TRNT1: variants seen among roughly 807,000 people sequenced by gnomAD.
The protein encoded by TRNT1 is CCA tRNA nucleotidyltransferase 1, mitochondrial.
Under a neutral mutation model 45.6 loss-of-function variants are expected in TRNT1, and 44 were observed. The ratio of observed to expected loss-of-function variants is 0.97; its 90% CI spans 0.76 to 1.24. TRNT1 has a LOEUF of 1.24. Ranked by LOEUF, TRNT1 falls within the 50% of genes most tolerant of loss-of-function variation. The probability of loss-of-function intolerance (pLI) is 0.00; values close to 1 mark genes in which losing one functional copy is unlikely to be tolerated. For missense variants in TRNT1, 633 were observed against 504.4 expected, an observed-to-expected ratio of 1.25 and a Z score of -2.44; for synonymous variants, 201 against 171.4, an observed-to-expected ratio of 1.17 and a Z score of -1.35.
intron 2 of TRNT1, chr3:3,136,845 T>A (rs1190431857): frequency 6.3e-6 from 2 of 315,824 alleles, no homozygotes; most frequent in African/African-American, 4.5e-5. Context: ...ATAGATAGAG[T>A]CTTGCTCTTT....
At chr3:3,144,009 T>C (rs766708455) in intron 4 of TRNT1, among the ~76,000 whole-genome samples, 2 of 152,252 alleles carry the variant, frequency 1.3e-5, no homozygotes, top group African/African-American at 2.4e-5. Flanking sequence ...TTTTAAAATA[T>C]GGACTTACAT....
chr3:3,130,466 T>C (rs1435277566), intron 2 of TRNT1: 5 of 157,588 alleles, frequency 3.2e-5, no homozygotes, highest in African/African-American at 1.2e-4. Context: ...GCCCAGAATA[T>C]GTTGATTCTT....
intron 5 of TRNT1, among the ~76,000 whole-genome samples, chr3:3,146,031 T>C (rs1705995834): frequency 6.6e-6 from 1 of 151,044 alleles, no homozygotes; most frequent in Admixed American, 6.7e-5. Flanking sequence ...GACTACTCTG[T>C]TAAGGCACTG....
chr3:3,129,877 C>T (rs529252967), intron 2 of TRNT1: 1 of 1,550,580 alleles, frequency 6.4e-7, no homozygotes, highest in African/African-American at 1.4e-5. Context: ...AGATTGATTT[C>T]AGAGCCCAGC....
chr3:3,137,671 C>G (rs1705410173), intron 3 of TRNT1, among the ~76,000 whole-genome samples: 2 of 152,062 alleles, frequency 1.3e-5, no homozygotes, highest in South Asian at 4.1e-4. Context: ...CGGGTATTTA[C>G]TTTTCAGTTT....
chr3:3,133,254 T>C (rs999739083), intron 2 of TRNT1, among the ~76,000 whole-genome samples: 1 of 152,130 alleles, frequency 6.6e-6, no homozygotes, highest in Non-Finnish European at 1.5e-5. Context: ...GCTAGTGGCA[T>C]AGAAGATTAT....
rs986458422 is a variant in TRNT1 at position 3,148,716 on chromosome 3, T to C, written c.*562T>C. 6.6e-6 allele frequency: 1 copy of C among 152,208 alleles called. No homozygotes were observed. The highest frequency in any genetic ancestry group is 1.5e-5 in the Non-Finnish European group (1 of 68,042). 9.4% of individuals were successfully genotyped at this position (152,208 alleles called of 1,614,324 possible). ...TTCTAGCAAGCTATGCTTCAGTATG[T>C]GGTTGATATTTTTCTGTCACAATGA... On this transcript the variant is annotated 3_prime_UTR_variant, in exon 8 of 8. Coordinates refer to ENST00000251607, the MANE Select transcript of TRNT1 (RefSeq NM_182916.3).
rs754316396 is a variant in TRNT1, at chr3:3,144,683, A to T, written c.581A>T (p.Asp194Val). ...VGHAKQRIQE[D>V]YLRILRYFRF... ...CATGCTAAACAGAGAATACAAGAGG[A>T]TTATCTTAGAATTTTAAGATACTTC... is the stretch of plus-strand genomic sequence containing the variant. Residue 194 changes from aspartate (D) to valine (V), a missense_variant, in exon 5 of 8, where the codon GAT (aspartate) becomes GTT (valine). Coordinates refer to ENST00000251607, the MANE Select transcript of TRNT1 (RefSeq NM_182916.3). 1.3e-6 allele frequency: 2 copies of T among 1,547,260 alleles called. No individual in the cohort carries two copies. Among genetic ancestry groups the T allele is most frequent in the Non-Finnish European group, 8.8e-7 (1 of 1,141,308 alleles).
At chr3:3,151,587 G>C (rs1212244125), downstream of TRNT1, among the ~76,000 whole-genome samples, 2 of 152,160 alleles carry the variant, frequency 1.3e-5, no homozygotes, top group African/African-American at 4.8e-5. Context: ...CCATGTAATT[G>C]CAACTGTTTC....
At chr3:3,135,110 C>T (rs990700088) in intron 2 of TRNT1, among the ~76,000 whole-genome samples, 3 of 152,104 alleles carry the variant, frequency 2.0e-5, no homozygotes, top group Admixed American at 1.3e-4. Flanking sequence ...GCCATGTAGA[C>T]ATACAAATTT....
In TRNT1 at chr3:3,140,642, T is replaced by A; in HGVS notation, c.475T>A (p.Phe159Ile). The A allele has an allele frequency of 6.2e-7, 1 of 1,613,734 alleles. No homozygotes were observed. The highest frequency in any genetic ancestry group is 2.2e-5 in the East Asian group (1 of 44,864). ...CAGAGATCTCACTATAAATTCTATGTTTTTAGGTAATATTTGCAGATAAAA... is the reference window on the plus strand; with the variant it reads ...CAGAGATCTCACTATAAATTCTATGATTTTAGGTAATATTTGCAGATAAAA... ...ERRDLTINSM[F>I]LGFDGTLFDY... The change falls in exon 4 of 8, where the codon TTT becomes ATT. Residue 159 changes from phenylalanine to isoleucine, a missense_variant. By Grantham distance (21) the Phe-to-Ile change is conservative (BLOSUM62 0). Transcript: ENST00000251607.
intron 5 of TRNT1, 44 bp downstream of exon 5, chr3:3,144,754 A>C: frequency 6.9e-7 from 1 of 1,459,018 alleles, no homozygotes; most frequent in East Asian, 2.4e-5. Flanking sequence ...TAATATCATG[A>C]CTAGAGCATA....
At chr3:3,137,485 G>T in intron 3 of TRNT1, 32 bp downstream of exon 3, 1 of 1,524,260 alleles carries the variant, frequency 6.6e-7, no homozygotes, top group Non-Finnish European at 8.8e-7. Context: ...TAATTACATT[G>T]CTTTTTTGGT....
At chr3:3,140,484 C>G (rs776449480) in intron 3 of TRNT1, 26 bp from the exon 4 acceptor site, 10 of 1,605,236 alleles carry the variant, frequency 6.2e-6, no homozygotes, top group Non-Finnish European at 8.5e-6. Flanking sequence ...TAAATGACAA[C>G]AAAAACCCCA....
At chr3:3,136,255 A>C (rs1337887473) in intron 2 of TRNT1, among the ~76,000 whole-genome samples, 6 of 152,216 alleles carry the variant, frequency 3.9e-5, no homozygotes, top group Admixed American at 6.5e-5. Flanking sequence ...TGTACCACAG[A>C]CCCCAGGGCC....
At chr3:3,142,935 A>G (rs1705746962) in intron 4 of TRNT1, among the ~76,000 whole-genome samples, 2 of 152,220 alleles carry the variant, frequency 1.3e-5, no homozygotes, top group South Asian at 4.1e-4. Flanking sequence ...TTCCCTTTTA[A>G]AAGTTACTAT....
chr3:3,149,771 T>TCACTC (rs1247759647), downstream of TRNT1: 1 of 152,178 alleles, frequency 6.6e-6, no homozygotes, highest in Non-Finnish European at 1.5e-5. Flanking sequence ...TCAACTGATT[T>TCACTC]CACTCCACCT....
chr3:3,129,514 G>T, intron 2 of TRNT1: 1 of 396,754 alleles, frequency 2.5e-6, no homozygotes, highest in Non-Finnish European at 4.7e-6. Context: ...TTGAGCCCAG[G>T]AGTTTGAGGC....
chr3:3,137,764 A>G (rs561495974), intron 3 of TRNT1, among the ~76,000 whole-genome samples: 3 of 152,316 alleles, frequency 2.0e-5, no homozygotes, highest in Admixed American at 2.0e-4. Flanking sequence ...ACCCTTCTCA[A>G]CAACAAGCAC....
Sources: gnomAD v4.1 joint callset for allele counts (sites outside exome capture counted in the v4.1 genomes callset) on GRCh38, gnomAD v4.1.1 for gene constraint, MANE v1.5 for transcripts, NCBI Gene and HGNC (gene_info 2026-07-23, HGNC 2026-07-21) for gene names.